Variants in ARL15 observed in about 807,000 individuals in gnomAD.
The protein encoded by ARL15 is ADP-ribosylation factor-like protein 15.
In ARL15, 19 loss-of-function variants were observed where a neutral mutation model predicts 25.2. The observed-to-expected ratio is 0.75, with a 90% CI of 0.53 to 1.10. The LOEUF is 1.10. ARL15 is among the 50% of genes least tolerant of loss of function. The pLI, the probability that ARL15 is intolerant of heterozygous loss-of-function variation, is 0.00. For synonymous variants in ARL15, 94 were observed against 86.8 expected, an observed-to-expected ratio of 1.08 and a Z score of -0.46; for missense variants, 220 against 246.0, an observed-to-expected ratio of 0.89 and a Z score of 0.71.
intron 4 of ARL15, among the ~76,000 whole-genome samples, chr5:53,928,896 T>C (rs969914360): frequency 2.6e-5 from 4 of 152,184 alleles, no homozygotes; most frequent in Admixed American, 6.5e-5. Flanking sequence ...GTGAAAATGG[T>C]GTCATCCAAA....
At chr5:53,934,954 G>A (rs1390750452) in intron 4 of ARL15, among the ~76,000 whole-genome samples, 1 of 152,160 alleles carries the variant, frequency 6.6e-6, no homozygotes, top group Admixed American at 6.5e-5. Flanking sequence ...GGCTAATTAT[G>A]CAGAAAAGCA....
At chr5:53,886,892 T>C (rs1038554257) in intron 4 of ARL15, among the ~76,000 whole-genome samples, 179 bp from the exon 5 acceptor site, 5 of 152,148 alleles carry the variant, frequency 3.3e-5, no homozygotes, top group African/African-American at 9.7e-5. Flanking sequence ...GGTTATATAT[T>C]GTGACCTGGG....
rs1165458695 is a variant in ARL15 at position 54,060,129 on chromosome 5, T to TAAAAA, written c.462+53068_462+53072dup. 9.4e-3 allele frequency among the ~76,000 whole-genome samples: 726 copies of TAAAAA among 77,494 alleles called. 17 individuals are homozygous for TAAAAA. The highest frequency in any genetic ancestry group is 0.011 in the Non-Finnish European group (435 of 39,264). The allele number at this position is 77,494 out of a possible 152,430, so 50.8% of individuals were successfully genotyped here. On this transcript the variant is annotated intron_variant, in intron 4 of 4. Transcript: ENST00000504924. ...AATGAGTCTCATGAGATCTGATGAC[T>TAAAAA]AAAAAAAAAAAAAAAAAAAAAAACC...
rs1205122181 is a variant in ARL15, at chr5:53,907,479, TATATA to T, written c.463-20771_463-20767del. 6.5e-4 allele frequency among the ~76,000 whole-genome samples: 23 copies of T among 35,172 alleles called. 1 individual carries two copies. The highest frequency in any genetic ancestry group is 2.5e-3 in the African/African-American group (20 of 7,892). The allele number at this position is 35,172 out of a possible 152,430, so 23.1% of individuals were successfully genotyped here. A position where few individuals can be genotyped will look rare whatever the true frequency, so the allele number is the denominator to read the frequency against. On this transcript the variant is annotated intron_variant, in intron 4 of 4. Coordinates refer to ENST00000504924, the MANE Select transcript of ARL15 (RefSeq NM_019087.3). ...GTTCATATATATATATATATATATATATATATATATTTTTTTTTTTTTTTTTTTTT... is the reference window on the plus strand; with the variant it reads ...GTTCATATATATATATATATATATATTATATTTTTTTTTTTTTTTTTTTTT...
chr5:53,971,653 T>C (rs1293264069), intron 4 of ARL15, among the ~76,000 whole-genome samples: 1 of 152,078 alleles, frequency 6.6e-6, no homozygotes, highest in Non-Finnish European at 1.5e-5. Context: ...TTGGATGATA[T>C]GTTAAATTTC....
intron 4 of ARL15, among the ~76,000 whole-genome samples, chr5:54,005,044 T>G (rs80213371): frequency 0.28 from 42,654 of 151,792 alleles, 6,201 homozygotes; most frequent in East Asian, 0.45. Flanking sequence ...TAGGGAGGAG[T>G]TCTCACTATG....
At chr5:54,239,716 C>A (rs1441403904) in intron 1 of ARL15, among the ~76,000 whole-genome samples, 2 of 152,002 alleles carry the variant, frequency 1.3e-5, no homozygotes, top group African/African-American at 4.8e-5. Context: ...CTGTCTGAAA[C>A]GTGGGAGTGA....
intron 4 of ARL15, among the ~76,000 whole-genome samples, chr5:53,988,411 G>A (rs895356): frequency 0.63 from 96,054 of 151,742 alleles, 30,886 homozygotes; most frequent in East Asian, 0.86. Context: ...TTAAGTTATT[G>A]GAAGAATCAG....
rs1342596693 is a variant in ARL15 at position 54,163,355 on chromosome 5, G to T, written c.193+8429C>A. 2.3e-3 allele frequency among the ~76,000 whole-genome samples: 116 copies of T among 51,344 alleles called. 10 individuals are homozygous for T. In the East Asian group the frequency reaches 0.047, roughly 21 times the overall value. 33.7% of individuals were successfully genotyped at this position (51,344 alleles called of 152,430 possible). Reference sequence around the variant, plus strand: ...TGTCCATGAGGGCTATTGGTATGAAGCTTTTTTTTTTTTTTTTTTTTTTTT... The same window carrying T: ...TGTCCATGAGGGCTATTGGTATGAATCTTTTTTTTTTTTTTTTTTTTTTTT... On this transcript the variant is annotated intron_variant, in intron 2 of 4. Coordinates refer to ENST00000504924, the MANE Select transcript of ARL15 (RefSeq NM_019087.3).
chr5:54,094,799 T>C (rs1579793716), intron 4 of ARL15, among the ~76,000 whole-genome samples: 1 of 152,118 alleles, frequency 6.6e-6, no homozygotes, highest in Admixed American at 6.5e-5. Flanking sequence ...ATAAATTTGT[T>C]CATCTGACAA....
chr5:54,278,646 A>C (rs1021675977), intron 1 of ARL15, among the ~76,000 whole-genome samples: 2 of 152,088 alleles, frequency 1.3e-5, no homozygotes, highest in Non-Finnish European at 2.9e-5. Flanking sequence ...CCTCTGTCTC[A>C]ATTTGTTCTG....
At chr5:54,033,762 A>G (rs1485374359) in intron 4 of ARL15, among the ~76,000 whole-genome samples, 2 of 152,202 alleles carry the variant, frequency 1.3e-5, no homozygotes, top group Non-Finnish European at 2.9e-5. Flanking sequence ...TAATAGTTTG[A>G]AATGGCACTT....
intron 4 of ARL15, among the ~76,000 whole-genome samples, chr5:53,975,638 C>T (rs972687249): frequency 4.6e-5 from 7 of 152,128 alleles, no homozygotes; most frequent in African/African-American, 7.2e-5. Context: ...GCCCATGGGG[C>T]GTGGCAATGC....
chr5:54,125,140 T>G (rs1324385599), intron 3 of ARL15, among the ~76,000 whole-genome samples: 1 of 151,190 alleles, frequency 6.6e-6, no homozygotes. Flanking sequence ...GGAGTGCAAT[T>G]CTCCTGCCTC....
At chr5:54,047,149 T>G (rs16882051) in intron 4 of ARL15, among the ~76,000 whole-genome samples, 2 of 151,942 alleles carry the variant, frequency 1.3e-5, no homozygotes. Context: ...ACATGGGAAT[T>G]TCTTGAGTAA....
At chr5:54,266,839 T>C (rs1311398630) in intron 1 of ARL15, among the ~76,000 whole-genome samples, 2 of 152,132 alleles carry the variant, frequency 1.3e-5, no homozygotes, top group East Asian at 3.9e-4. Context: ...GCAGCAGCAA[T>C]AGAAGATGAC....
chr5:54,148,452 C>T (rs746065064), intron 3 of ARL15, among the ~76,000 whole-genome samples: 2 of 152,034 alleles, frequency 1.3e-5, no homozygotes, highest in African/African-American at 4.8e-5. Context: ...TTGCATGGGC[C>T]GAAGCAAACG....
chr5:54,089,714 A>G (rs1271890191), intron 4 of ARL15, among the ~76,000 whole-genome samples: 1 of 152,214 alleles, frequency 6.6e-6, no homozygotes, highest in African/African-American at 2.4e-5. Flanking sequence ...ATGTAGGTAG[A>G]CAAGAAAAAG....
At chr5:54,160,638 C>T (rs907727936) in intron 2 of ARL15, among the ~76,000 whole-genome samples, 1 of 152,178 alleles carries the variant, frequency 6.6e-6, no homozygotes. Context: ...AATTTTCTCT[C>T]CTCACCAACA....
Sources: gnomAD v4.1 joint callset for allele counts (sites outside exome capture counted in the v4.1 genomes callset) on GRCh38, gnomAD v4.1.1 for gene constraint, MANE v1.5 for transcripts, NCBI Gene and HGNC (gene_info 2026-07-23, HGNC 2026-07-21) for gene names.